RANBP17: variants seen among roughly 807,000 people sequenced by gnomAD.
RANBP17 encodes ran-binding protein 17.
In RANBP17, 158 loss-of-function variants were observed where a neutral mutation model predicts 141.2. The observed-to-expected ratio is 1.12, with a 90% CI of 0.98 to 1.28. The LOEUF (loss-of-function observed/expected upper bound fraction) is 1.28. RANBP17 is among the 50% of genes most tolerant of loss of function. The probability of loss-of-function intolerance (pLI) is 0.00; values close to 1 mark genes in which losing one functional copy is unlikely to be tolerated. For synonymous variants in RANBP17, 430 were observed against 450.0 expected, an observed-to-expected ratio of 0.96 and a Z score of 0.56; for missense variants, 1,438 against 1,290.7, an observed-to-expected ratio of 1.11 and a Z score of -1.75.
At chr5:170,884,541 T>C (rs1229546294) in intron 3 of RANBP17, among the ~76,000 whole-genome samples, 1 of 151,914 alleles carries the variant, frequency 6.6e-6, no homozygotes, top group Non-Finnish European at 1.5e-5. Context: ...CATTTTCACA[T>C]TGAGTAGGCT....
At chr5:171,261,896 G>C (rs1766355689) in intron 24 of RANBP17, among the ~76,000 whole-genome samples, 1 of 152,118 alleles carries the variant, frequency 6.6e-6, no homozygotes, top group South Asian at 2.1e-4. Context: ...TTCTGTTTTT[G>C]ACCAAATGCC....
chr5:171,212,973 G>A (rs1762996517), intron 20 of RANBP17, among the ~76,000 whole-genome samples: 1 of 152,154 alleles, frequency 6.6e-6, no homozygotes, highest in Non-Finnish European at 1.5e-5. Flanking sequence ...ATGTCTCCTT[G>A]TGTGTACATG....
At chr5:171,188,199 G>A (rs1248775226) in intron 18 of RANBP17, among the ~76,000 whole-genome samples, 1 of 152,178 alleles carries the variant, frequency 6.6e-6, no homozygotes, top group East Asian at 1.9e-4. Context: ...TGACAACTAG[G>A]GCTGGAGGCA....
chr5:171,005,325 G>A (rs1172194070), intron 14 of RANBP17, among the ~76,000 whole-genome samples: 1 of 152,104 alleles, frequency 6.6e-6, no homozygotes, highest in Non-Finnish European at 1.5e-5. Flanking sequence ...GAGGCATCAT[G>A]GTACCTGACT....
rs1173026909 is a variant in RANBP17, at chr5:171,299,946, T to C, written c.*1088T>C. The C allele has an allele frequency of 1.0e-5, 2 of 196,346 alleles. No homozygotes were observed. The highest frequency in any genetic ancestry group is 8.0e-5 in the East Asian group (1 of 12,522). 12.2% of individuals were successfully genotyped at this position (196,346 alleles called of 1,614,324 possible). ...TAACAAATATTGTATCCTTTATTTC[T>C]GATAAGACATGAAAGGTTGGCCTTA... On this transcript the variant is annotated 3_prime_UTR_variant, in exon 28 of 28. Coordinates refer to ENST00000523189, the MANE Select transcript of RANBP17 (RefSeq NM_022897.5).
At chr5:171,169,299 T>C (rs1019090098) in intron 14 of RANBP17, among the ~76,000 whole-genome samples, 1 of 152,122 alleles carries the variant, frequency 6.6e-6, no homozygotes, top group Non-Finnish European at 1.5e-5. Flanking sequence ...AGAAATCCCA[T>C]ACAGCTGGTG....
intron 14 of RANBP17, among the ~76,000 whole-genome samples, chr5:171,071,653 C>CAAAAAAAAA (rs34555837): frequency 1.6e-4 from 11 of 69,634 alleles, no homozygotes; most frequent in African/African-American, 2.4e-4. Context: ...CAGCTTTATG[C>CAAAAAAAAA]AAAAAAAAAA....
At chr5:171,090,178 T>C (rs1054979667) in intron 14 of RANBP17, among the ~76,000 whole-genome samples, 4 of 152,342 alleles carry the variant, frequency 2.6e-5, no homozygotes, top group Middle Eastern at 3.4e-3. Flanking sequence ...ACTTGTTGAA[T>C]GGCTTTGACC....
rs1561833561 is a variant in RANBP17 at position 171,290,689 on chromosome 5, G to GTA, written c.2944-3190_2944-3189dup. Reference sequence around the variant, plus strand: ...TTCTGAACTGTTTCCTATTTTGGTTGTATATGTGTCTGTGTTTTACCTTAA... The same window carrying GTA: ...TTCTGAACTGTTTCCTATTTTGGTTGTATATATGTGTCTGTGTTTTACCTTAA... On this transcript the variant is annotated intron_variant, in intron 25 of 27. Transcript: ENST00000523189. 3.9e-5 allele frequency among the ~76,000 whole-genome samples: 6 copies of GTA among 152,318 alleles called. No individual in the cohort carries two copies. In the South Asian group the frequency reaches 1.2e-3, roughly 32 times the overall value.
At chr5:171,044,348 CAT>C (rs1476636388) in intron 14 of RANBP17, among the ~76,000 whole-genome samples, 3 of 151,780 alleles carry the variant, frequency 2.0e-5, no homozygotes, top group Non-Finnish European at 1.5e-5. Context: ...ACATTAAAGT[CAT>C]ATATATTTCA....
chr5:171,237,680 G>A (rs1039892207), intron 22 of RANBP17, among the ~76,000 whole-genome samples: 3 of 152,188 alleles, frequency 2.0e-5, no homozygotes, highest in African/African-American at 7.2e-5. Flanking sequence ...TGCTACAGTA[G>A]TACCAAAGTA....
At chr5:170,959,409 C>T (rs148970487) in intron 13 of RANBP17, among the ~76,000 whole-genome samples, 1 of 152,268 alleles carries the variant, frequency 6.6e-6, no homozygotes, top group Non-Finnish European at 1.5e-5. Flanking sequence ...CATTTCCTAC[C>T]CTTTCCCATT....
At chr5:171,056,972 C>A (rs1420574193) in intron 14 of RANBP17, among the ~76,000 whole-genome samples, 1 of 152,044 alleles carries the variant, frequency 6.6e-6, no homozygotes, top group African/African-American at 2.4e-5. Flanking sequence ...AAATCTTGTT[C>A]AAGAAAGGAA....
At chr5:171,092,536 C>T (rs1786375775) in intron 14 of RANBP17, among the ~76,000 whole-genome samples, 1 of 152,210 alleles carries the variant, frequency 6.6e-6, no homozygotes. Context: ...TAAGACTATG[C>T]CTCCAGTTAC....
intron 16 of RANBP17, among the ~76,000 whole-genome samples, chr5:171,181,424 C>T (rs1214613041): frequency 6.6e-6 from 1 of 151,664 alleles, no homozygotes; most frequent in Non-Finnish European, 1.5e-5. Context: ...GCACTCCAGC[C>T]TGGGCGACAG....
Position 170,923,236 on chromosome 5 carries a change from T to C in RANBP17, c.1275-1121T>C, listed in dbSNP as rs368700565. ...TTTTTGGCATATAGATGACCAGTTA[T>C]TTCAACATCATTTGTGTAACAGACT... On this transcript the variant is annotated intron_variant, in intron 11 of 27. Coordinates refer to ENST00000523189, the MANE Select transcript of RANBP17 (RefSeq NM_022897.5). 4.6e-5 allele frequency among the ~76,000 whole-genome samples: 7 copies of C among 152,194 alleles called. No homozygotes were observed. The East Asian group carries it at 5.8e-4, about 13-fold the overall frequency.
chr5:171,131,424 G>A (rs1488701265), intron 14 of RANBP17, among the ~76,000 whole-genome samples: 2 of 152,164 alleles, frequency 1.3e-5, no homozygotes, highest in Middle Eastern at 3.2e-3. Context: ...GGGAAAATGT[G>A]CTGTTTTTGC....
chr5:171,294,084 A>C (rs1355949149), intron 26 of RANBP17, 103 bp downstream of exon 26: 1 of 868,010 alleles, frequency 1.2e-6, no homozygotes, highest in Non-Finnish European at 1.9e-6. Context: ...AGCAGAGCCA[A>C]TTGAATTTGA....
chr5:171,005,149 G>A (rs953039329), intron 14 of RANBP17, among the ~76,000 whole-genome samples: 2 of 152,062 alleles, frequency 1.3e-5, no homozygotes, highest in South Asian at 2.1e-4. Flanking sequence ...GGCCTTTATC[G>A]TGAAAATGGC....
Sources: allele counts gnomAD v4.1 joint callset (sites outside exome capture counted in the v4.1 genomes callset), GRCh38; gene constraint gnomAD v4.1.1; transcripts MANE v1.5; gene names NCBI Gene and HGNC (gene_info 2026-07-23, HGNC 2026-07-21).